Variants in DYM observed in about 807,000 individuals in gnomAD.
DYM encodes dymeclin, also known as dyggve-Melchior-Clausen syndrome protein.
Under a neutral mutation model 93.1 loss-of-function variants are expected in DYM, and 78 were observed. The ratio of observed to expected loss-of-function variants is 0.84; its 90% CI spans 0.70 to 1.01. The LOEUF (loss-of-function observed/expected upper bound fraction) is 1.01. DYM is among the 50% of genes least tolerant of loss of function. The pLI is 0.00. For missense variants in DYM, 789 were observed against 845.0 expected, an observed-to-expected ratio of 0.93 and a Z score of 0.82; for synonymous variants, 321 against 319.7, an observed-to-expected ratio of 1.00 and a Z score of -0.04.
intron 14 of DYM, among the ~76,000 whole-genome samples, chr18:49,181,078 T>C (rs905051888): frequency 2.0e-5 from 3 of 152,178 alleles, no homozygotes; most frequent in Non-Finnish European, 4.4e-5. Context: ...TAGTATGCAG[T>C]TTCTGATTTG....
At chr18:49,297,598 C>T (rs12185343) in intron 8 of DYM, among the ~76,000 whole-genome samples, 3 of 152,142 alleles carry the variant, frequency 2.0e-5, no homozygotes, top group East Asian at 3.9e-4. Flanking sequence ...CTGTATGTAT[C>T]CCTTTTTGTA....
At chr18:49,185,809 C>T (rs552754201) in intron 14 of DYM, among the ~76,000 whole-genome samples, 34 of 152,278 alleles carry the variant, frequency 2.2e-4, no homozygotes, top group Admixed American at 3.9e-4. Context: ...ACCAGCTGGT[C>T]AGTGGCAGAA....
intron 17 of DYM, among the ~76,000 whole-genome samples, chr18:49,067,366 G>GTGAGTGT (rs1241933629): frequency 6.0e-3 from 6 of 1,004 alleles, no homozygotes; most frequent in South Asian, 0.019. Flanking sequence ...GTGGGGTGAT[G>GTGAGTGT]TGTTATGGAG....
chr18:49,206,474 C>G (rs2092512828), intron 14 of DYM: 1 of 152,178 alleles, frequency 6.6e-6, no homozygotes, highest in African/African-American at 2.4e-5. Context: ...AAGAAAATCT[C>G]TCACCTGCAG....
At chr18:49,340,290 A>C (rs374808908) in intron 6 of DYM, among the ~76,000 whole-genome samples, 3 of 152,118 alleles carry the variant, frequency 2.0e-5, no homozygotes, top group Admixed American at 2.0e-4. Context: ...CTAAATGTTC[A>C]CTTTGCATCA....
At chr18:49,199,379 A>C (rs2091814743) in intron 14 of DYM, among the ~76,000 whole-genome samples, 1 of 152,216 alleles carries the variant, frequency 6.6e-6, no homozygotes. Flanking sequence ...AAGTATAATT[A>C]AATAAAAAAA....
In DYM at chr18:49,053,601, G is replaced by A. The variant is rs1421769892; in HGVS notation, c.2026-9397C>T. Among the ~76,000 whole-genome samples the A allele has an allele frequency of 2.0e-5, 3 of 152,318 alleles. No individual in the cohort carries two copies. The East Asian group carries it at 5.8e-4, about 29-fold the overall frequency. ...ATGGGTTAGTGACTACAGACAGCAC[G>A]TGCAGGGCTTGTGGTGGGCAGTCCT... On this transcript the variant is annotated intron_variant, in intron 17 of 17. Coordinates refer to ENST00000675505, the MANE Select transcript of DYM (RefSeq NM_001353214.3).
At chr18:49,178,068 G>C (rs960576329) in intron 14 of DYM, among the ~76,000 whole-genome samples, 2 of 152,102 alleles carry the variant, frequency 1.3e-5, no homozygotes, top group African/African-American at 4.8e-5. Flanking sequence ...ACCACAAAGA[G>C]AGAACAATTT....
At chr18:49,316,690 T>G (rs80048939) in intron 8 of DYM, among the ~76,000 whole-genome samples, 2 of 152,292 alleles carry the variant, frequency 1.3e-5, no homozygotes, top group East Asian at 3.9e-4. Flanking sequence ...CCCAAAATGC[T>G]CTGTGCTCTA....
chr18:49,187,837 T>C (rs1568564834), intron 14 of DYM, among the ~76,000 whole-genome samples: 1 of 152,168 alleles, frequency 6.6e-6, no homozygotes. Context: ...AAAAATAACA[T>C]GATAATACAT....
chr18:49,371,699 C>A (rs1411973619), intron 5 of DYM, among the ~76,000 whole-genome samples: 6 of 152,128 alleles, frequency 3.9e-5, no homozygotes, highest in Admixed American at 3.3e-4. Flanking sequence ...AAAATGGAAA[C>A]AATTTTGTAT....
At chr18:49,281,950 AAT>A (rs1268871659) in intron 10 of DYM, 45 bp downstream of exon 10, 2 of 1,583,272 alleles carry the variant, frequency 1.3e-6, no homozygotes, top group African/African-American at 2.7e-5. Flanking sequence ...CTTAAAGTAT[AAT>A]TAAAAAAAAA....
intron 14 of DYM, among the ~76,000 whole-genome samples, chr18:49,169,476 CT>C (rs971910593): frequency 1.3e-5 from 2 of 152,220 alleles, no homozygotes; most frequent in African/African-American, 2.4e-5. Context: ...GGCTTATCAA[CT>C]GCCTCATGTC....
intron 15 of DYM, among the ~76,000 whole-genome samples, chr18:49,136,318 G>A (rs1268017503): frequency 6.6e-6 from 1 of 152,030 alleles, no homozygotes; most frequent in African/African-American, 2.4e-5. Flanking sequence ...AAGCCCCAAA[G>A]GAACCCAAAA....
intron 13 of DYM, among the ~76,000 whole-genome samples, chr18:49,218,081 CA>C: frequency 6.6e-6 from 1 of 151,410 alleles, no homozygotes. Flanking sequence ...AAATGGAAAA[CA>C]AAAAAAGGCA....
chr18:49,331,275 T>C (rs1438535857), intron 8 of DYM, among the ~76,000 whole-genome samples: 1 of 152,214 alleles, frequency 6.6e-6, no homozygotes. Context: ...ACTTCTAGTG[T>C]CTGTAGTCTG....
chr18:49,190,569 T>C lies in DYM; in HGVS notation c.1625+18982A>G, dbSNP rs374046421. ...CTTCCTATTGGCATATAGTATGTGC[T>C]ACCTGAAAATAAATGCACATATGAA... On this transcript the variant is annotated intron_variant, in intron 14 of 17. Coordinates refer to ENST00000675505, the MANE Select transcript of DYM (RefSeq NM_001353214.3). Among the ~76,000 whole-genome samples, 23 of 152,342 alleles carry C rather than the reference T, an allele frequency of 1.5e-4. No homozygotes were observed. In the South Asian group the frequency reaches 4.6e-3, roughly 30 times the overall value.
rs117505201 is a variant in DYM, at chr18:49,119,097, T to G, written c.1729-171A>C. Among the ~76,000 whole-genome samples the G allele has an allele frequency of 3.2e-3, 489 of 152,360 alleles. 2 individuals are homozygous for G. Among genetic ancestry groups the G allele is most frequent in the Non-Finnish European group, 5.8e-3 (397 of 68,034 alleles). On this transcript the variant is annotated intron_variant, in intron 15 of 17. Transcript: ENST00000675505. ...GAATCTTAAGAATGAGGTTTATCAG[T>G]TACTAAAGGATTTGGGTTAAAATCT... is the stretch of plus-strand genomic sequence containing the variant.
chr18:49,201,304 C>T (rs1261600583), intron 14 of DYM, among the ~76,000 whole-genome samples: 1 of 152,142 alleles, frequency 6.6e-6, no homozygotes, highest in Admixed American at 6.5e-5. Context: ...CTCTCAATAT[C>T]ATACTTCAAT....
Sources: gnomAD v4.1 joint callset for allele counts (sites outside exome capture counted in the v4.1 genomes callset) on GRCh38, gnomAD v4.1.1 for gene constraint, MANE v1.5 for transcripts, NCBI Gene and HGNC (gene_info 2026-07-23, HGNC 2026-07-21) for gene names.